The following TLL2 variants were observed in gnomAD, a reference collection of about 807,000 sequenced individuals.
TLL2 encodes tolloid-like protein 2.
Under a neutral mutation model 123.0 loss-of-function variants are expected in TLL2, and 106 were observed. That is an observed-to-expected ratio of 0.86 (90% CI 0.74 to 1.01). The LOEUF (loss-of-function observed/expected upper bound fraction) is 1.01. TLL2 is among the 50% of genes least tolerant of loss of function. The pLI, the probability that TLL2 is intolerant of heterozygous loss-of-function variation, is 0.00. For missense variants in TLL2, 1,332 were observed against 1,336.7 expected (o/e 1.00, Z 0.06); for synonymous variants, 494 against 516.8 (o/e 0.96, Z 0.60).
chr10:96,474,279 C>T (rs965880782), intron 2 of TLL2, among the ~76,000 whole-genome samples: 3 of 152,128 alleles, frequency 2.0e-5, no homozygotes, highest in African/African-American at 7.2e-5. Flanking sequence ...ATGGGCCCAT[C>T]GGAGAATGGG....
At position 96,461,839 on chromosome 10, in the gene TLL2, G is replaced by A. The variant is rs1171801455; in HGVS notation, c.287-15671C>T. Reference sequence around the variant, plus strand: ...TCCCAGGTGCCAGAGAGACAAAAGCGAATCAGATACAGTCACCACCCCCAA... The same window carrying A: ...TCCCAGGTGCCAGAGAGACAAAAGCAAATCAGATACAGTCACCACCCCCAA... On this transcript the variant is annotated intron_variant, in intron 2 of 20. Coordinates refer to ENST00000357947, the MANE Select transcript of TLL2 (RefSeq NM_012465.4). Among the ~76,000 whole-genome samples the A allele has an allele frequency of 3.9e-5, 6 of 152,294 alleles. No individual in the cohort carries two copies. The South Asian group carries it at 6.2e-4, about 16-fold the overall frequency.
intron 1 of TLL2, among the ~76,000 whole-genome samples, chr10:96,494,107 C>T (rs752163744): frequency 1.3e-5 from 2 of 152,206 alleles, no homozygotes; most frequent in African/African-American, 2.4e-5. Flanking sequence ...CCTGGCCAGC[C>T]GGGGACAGCC....
intron 1 of TLL2, among the ~76,000 whole-genome samples, chr10:96,499,541 C>T (rs993511641): frequency 6.6e-6 from 1 of 152,152 alleles, no homozygotes; most frequent in East Asian, 1.9e-4. Flanking sequence ...AGCAAATTAA[C>T]TTGGGTCTGT....
chr10:96,385,683 C>T (rs796480069), intron 15 of TLL2, among the ~76,000 whole-genome samples: 16 of 152,298 alleles, frequency 1.1e-4, no homozygotes, highest in African/African-American at 3.4e-4. Context: ...AAAGAGGAAA[C>T]AGGCTGTCTG....
intron 7 of TLL2, among the ~76,000 whole-genome samples, chr10:96,416,106 G>A (rs1846558408): frequency 6.6e-6 from 1 of 152,078 alleles, no homozygotes. Flanking sequence ...TAAACCACAA[G>A]TGATGACTCT....
chr10:96,432,676 G>T, intron 4 of TLL2, 131 bp downstream of exon 4: 1 of 1,150,364 alleles, frequency 8.7e-7, no homozygotes, highest in Non-Finnish European at 1.2e-6. Context: ...CAAGAGGGGG[G>T]CATCATCTGT....
chr10:96,494,481 C>T (rs536852587), intron 1 of TLL2, among the ~76,000 whole-genome samples: 43 of 152,314 alleles, frequency 2.8e-4, no homozygotes, highest in South Asian at 2.7e-3. Flanking sequence ...CGGGTTTTAT[C>T]CGAGGAGAGT....
intron 17 of TLL2, among the ~76,000 whole-genome samples, 179 bp from the exon 18 acceptor site, chr10:96,376,998 C>G (rs1846144744): frequency 6.6e-6 from 1 of 152,224 alleles, no homozygotes; most frequent in African/African-American, 2.4e-5. Context: ...GGTTTACTTG[C>G]ACTGGCTTTT....
chr10:96,486,204 A>G (rs1443626157), intron 1 of TLL2, among the ~76,000 whole-genome samples: 2 of 152,218 alleles, frequency 1.3e-5, no homozygotes, highest in Non-Finnish European at 2.9e-5. Context: ...AGGATTGACT[A>G]TACGTGGAAT....
intron 3 of TLL2, among the ~76,000 whole-genome samples, chr10:96,439,765 T>G (rs1474716308): frequency 6.6e-6 from 1 of 152,160 alleles, no homozygotes; most frequent in Non-Finnish European, 1.5e-5. Flanking sequence ...CTGAAAATAA[T>G]TATCTTACCA....
chr10:96,394,924 C>T (rs550576008), intron 13 of TLL2, among the ~76,000 whole-genome samples: 6 of 152,344 alleles, frequency 3.9e-5, no homozygotes, highest in African/African-American at 9.6e-5. Flanking sequence ...GTTTCACTAC[C>T]GTGTAGTTTG....
At chr10:96,416,736 G>T (rs1372120168) in intron 7 of TLL2, among the ~76,000 whole-genome samples, 1 of 152,224 alleles carries the variant, frequency 6.6e-6, no homozygotes, top group African/African-American at 2.4e-5. Context: ...ATCCTAAGCT[G>T]CCAGCAAGAG....
intron 7 of TLL2, among the ~76,000 whole-genome samples, chr10:96,419,802 T>C (rs1332770039): frequency 6.6e-6 from 1 of 152,164 alleles, no homozygotes; most frequent in Non-Finnish European, 1.5e-5. Flanking sequence ...GCAAACAGTG[T>C]CCCTTTCACT....
chr10:96,425,311 G>T (rs1265344637), intron 5 of TLL2, among the ~76,000 whole-genome samples: 4 of 143,126 alleles, frequency 2.8e-5, no homozygotes, highest in African/African-American at 1.1e-4. Context: ...CTACATGGTT[G>T]TTCCTCCAGA....
At chr10:96,491,394 A>G (rs1475128085) in intron 1 of TLL2, among the ~76,000 whole-genome samples, 3 of 149,168 alleles carry the variant, frequency 2.0e-5, no homozygotes, top group South Asian at 2.1e-4. Context: ...AAAAAAAAAA[A>G]AAAAGAAAAG....
intron 3 of TLL2, among the ~76,000 whole-genome samples, chr10:96,434,903 A>G (rs1589421715): frequency 1.3e-5 from 2 of 151,670 alleles, no homozygotes; most frequent in East Asian, 3.9e-4. Flanking sequence ...GCGGAATCTC[A>G]TTTTGGTTTT....
intron 2 of TLL2, among the ~76,000 whole-genome samples, chr10:96,459,903 C>A: frequency 6.6e-6 from 1 of 150,442 alleles, no homozygotes; most frequent in Non-Finnish European, 1.5e-5. Context: ...AAAATAAAAC[C>A]CAAATGGATT....
chr10:96,376,539 T>C (rs1017665072), intron 18 of TLL2, among the ~76,000 whole-genome samples, 153 bp downstream of exon 18: 3 of 152,246 alleles, frequency 2.0e-5, no homozygotes, highest in African/African-American at 7.2e-5. Flanking sequence ...TAGGCTTCAT[T>C]AGTATCCATG....
chr10:96,513,378 T>C, intron 1 of TLL2, 133 bp downstream of exon 1: 1 of 1,169,226 alleles, frequency 8.6e-7, no homozygotes, highest in Non-Finnish European at 1.2e-6. Flanking sequence ...AGGCATTGTC[T>C]TCCGGGGGAG....
Sources: allele counts gnomAD v4.1 joint callset (sites outside exome capture counted in the v4.1 genomes callset), GRCh38; gene constraint gnomAD v4.1.1; transcripts MANE v1.5; gene names NCBI Gene and HGNC (gene_info 2026-07-23, HGNC 2026-07-21).